Variants in AGBL4 observed in about 807,000 individuals in gnomAD.
The protein encoded by AGBL4 is cytosolic carboxypeptidase 6.
Under a neutral mutation model 66.4 loss-of-function variants are expected in AGBL4, and 58 were observed. That is an observed-to-expected ratio of 0.87 (90% CI 0.71 to 1.09). The LOEUF (loss-of-function observed/expected upper bound fraction) is 1.09, where lower values mean the gene tolerates loss of function less well. Ranked by LOEUF, AGBL4 falls within the 50% of genes least tolerant of loss-of-function variation. The pLI is 0.00. For synonymous variants in AGBL4, 234 were observed against 222.9 expected (o/e 1.05, Z -0.44); for missense variants, 579 against 631.0 (o/e 0.92, Z 0.88).
chr1:48,590,691 C>T, intron 10 of AGBL4, 142 bp downstream of exon 10: 1 of 951,818 alleles, frequency 1.1e-6, no homozygotes, highest in Non-Finnish European at 1.5e-6. Context: ...TCTTGTTTAC[C>T]TCTATCTTCA....
At chr1:49,249,637 C>T (rs934516876) in intron 3 of AGBL4, among the ~76,000 whole-genome samples, 2 of 152,108 alleles carry the variant, frequency 1.3e-5, no homozygotes, top group African/African-American at 4.8e-5. Flanking sequence ...GAAAGTAGTA[C>T]AGGCATTATG....
intron 6 of AGBL4, among the ~76,000 whole-genome samples, chr1:48,686,107 CTG>C (rs1018296238): frequency 2.4e-4 from 37 of 152,192 alleles, no homozygotes; most frequent in African/African-American, 8.7e-4. Flanking sequence ...GATGACAAAA[CTG>C]AGCATCAGAA....
intron 5 of AGBL4, among the ~76,000 whole-genome samples, chr1:48,929,947 A>G (rs1654902007): frequency 6.6e-6 from 1 of 152,138 alleles, no homozygotes; most frequent in Admixed American, 6.5e-5. Context: ...GGGATGTGCT[A>G]CCAGATGTGT....
chr1:49,001,484 G>A (rs970319256), intron 5 of AGBL4, among the ~76,000 whole-genome samples: 2 of 152,060 alleles, frequency 1.3e-5, no homozygotes, highest in Non-Finnish European at 2.9e-5. Context: ...TTGGTAGGAG[G>A]GTCCTCTCCA....
At chr1:48,931,605 G>C (rs1428895320) in intron 5 of AGBL4, among the ~76,000 whole-genome samples, 1 of 151,758 alleles carries the variant, frequency 6.6e-6, no homozygotes, top group East Asian at 1.9e-4. Flanking sequence ...CTGCAGCCTT[G>C]TTCTCCAGTG....
intron 5 of AGBL4, among the ~76,000 whole-genome samples, chr1:48,926,826 T>C (rs1189373041): frequency 1.3e-5 from 2 of 152,182 alleles, no homozygotes; most frequent in Admixed American, 6.5e-5. Flanking sequence ...CTAGCAATGA[T>C]AGTATTAATA....
intron 6 of AGBL4, among the ~76,000 whole-genome samples, chr1:48,698,344 A>T (rs189363552): frequency 6.6e-6 from 1 of 152,322 alleles, no homozygotes; most frequent in East Asian, 1.9e-4. Context: ...GAGAAGAGGA[A>T]GGTCACTACG....
chr1:49,795,795 T>A (rs899158143), intron 2 of AGBL4, among the ~76,000 whole-genome samples: 1 of 152,012 alleles, frequency 6.6e-6, no homozygotes, highest in Non-Finnish European at 1.5e-5. Context: ...TATACCAACA[T>A]AATTTTGATG....
chr1:48,534,122 G>A lies in AGBL4; in HGVS notation c.*51C>T, dbSNP rs758409874. ...GAAGAGTGATTAATTTCATTCCCCA[G>A]CAGAAAATGCATGCTCCTGTCCCCA... is the stretch of plus-strand genomic sequence containing the variant. On this transcript the variant is annotated 3_prime_UTR_variant, in exon 14 of 14. Coordinates refer to ENST00000371839, the MANE Select transcript of AGBL4 (RefSeq NM_032785.4). 31 of 1,550,822 alleles carry A rather than the reference G, an allele frequency of 2.0e-5. No individual in the cohort carries two copies. The highest frequency in any genetic ancestry group is 2.6e-5 in the Non-Finnish European group (30 of 1,146,368).
intron 2 of AGBL4, among the ~76,000 whole-genome samples, chr1:49,843,296 TTGTGTG>T (rs71307607): frequency 1.4e-5 from 2 of 147,780 alleles, no homozygotes; most frequent in East Asian, 2.0e-4. Flanking sequence ...CTAGCTAATT[TTGTGTG>T]TGTGTGTGTG....
intron 2 of AGBL4, among the ~76,000 whole-genome samples, chr1:49,724,627 A>G (rs963885777): frequency 6.6e-6 from 1 of 152,156 alleles, no homozygotes; most frequent in Non-Finnish European, 1.5e-5. Flanking sequence ...CTCAAAATTC[A>G]TATGTTGAAA....
At chr1:49,162,270 G>A (rs1272795541) in intron 4 of AGBL4, among the ~76,000 whole-genome samples, 1 of 151,986 alleles carries the variant, frequency 6.6e-6, no homozygotes, top group Non-Finnish European at 1.5e-5. Flanking sequence ...TTTCTATTAT[G>A]TCCCTAAAAT....
intron 11 of AGBL4, among the ~76,000 whole-genome samples, chr1:48,560,386 C>T (rs1644379716): frequency 6.6e-6 from 1 of 152,138 alleles, no homozygotes; most frequent in Non-Finnish European, 1.5e-5. Context: ...TTGATAATGG[C>T]AATAGGTTGC....
intron 2 of AGBL4, chr1:49,846,086 G>T (rs564900362): frequency 4.2e-5 from 66 of 1,554,892 alleles, no homozygotes; most frequent in Non-Finnish European, 5.8e-5. Flanking sequence ...GAAACCCTAT[G>T]AATGTAACCA....
chr1:48,631,948 A>G (rs1398867139), intron 9 of AGBL4, among the ~76,000 whole-genome samples: 1 of 152,202 alleles, frequency 6.6e-6, no homozygotes, highest in Non-Finnish European at 1.5e-5. Flanking sequence ...ATATCTTATA[A>G]ATACATACTT....
chr1:49,266,238 C>A (rs1424875346), intron 3 of AGBL4: 1 of 151,868 alleles, frequency 6.6e-6, no homozygotes, highest in Non-Finnish European at 1.5e-5. Context: ...GAGAAGGCAG[C>A]CAAAAGAGGT....
intron 3 of AGBL4, among the ~76,000 whole-genome samples, chr1:49,482,367 G>A (rs1557981875): frequency 3.3e-5 from 5 of 152,046 alleles, no homozygotes; most frequent in Admixed American, 2.6e-4. Flanking sequence ...AGTCATGCGA[G>A]GGTGTAAGTG....
intron 3 of AGBL4, among the ~76,000 whole-genome samples, chr1:49,406,699 G>T (rs759696561): frequency 2.4e-4 from 36 of 152,012 alleles, no homozygotes; most frequent in South Asian, 8.3e-4. Flanking sequence ...ACTCTCTGTG[G>T]TAAAAGTATG....
At chr1:49,071,192 C>A (rs1644597293) in intron 4 of AGBL4, among the ~76,000 whole-genome samples, 1 of 151,848 alleles carries the variant, frequency 6.6e-6, no homozygotes, top group East Asian at 1.9e-4. Context: ...TTCAAAAAAT[C>A]AGCTCCTGGG....
Sources: gnomAD v4.1 joint callset for allele counts (sites outside exome capture counted in the v4.1 genomes callset) on GRCh38, gnomAD v4.1.1 for gene constraint, MANE v1.5 for transcripts, NCBI Gene and HGNC (gene_info 2026-07-23, HGNC 2026-07-21) for gene names.